Variants in ZNF516 observed in about 807,000 individuals in gnomAD.
The protein encoded by ZNF516 is zinc finger protein 516.
ZNF516 carries 19 observed loss-of-function variants against 79.7 expected under a neutral mutation model. That is an observed-to-expected ratio of 0.24 (90% CI 0.17 to 0.35). The LOEUF (loss-of-function observed/expected upper bound fraction) is 0.35. Among genes scored for constraint, ZNF516 ranks in the 10% least tolerant of loss-of-function variants. ZNF516 has a pLI of 1.00. For synonymous variants in ZNF516, 877 were observed against 739.5 expected (o/e 1.19, Z -3.02); for missense variants, 1,678 against 1,679.5 (o/e 1.00, Z 0.02).
rs922351426 is a variant in ZNF516, at chr18:76,467,967, G to A, written c.-271-4826C>T. Among the ~76,000 whole-genome samples the A allele has an allele frequency of 1.3e-5, 2 of 152,138 alleles. No individual in the cohort carries two copies. The highest frequency in any genetic ancestry group is 6.5e-5 in the Admixed American group (1 of 15,280). ...GCCTTGCAAGCAAAGAGTAGCTGCG[G>A]CGCATTCCAGACCTCCCTACGGACA... On this transcript the variant is annotated intron_variant, in intron 1 of 6. Coordinates refer to ENST00000443185, the MANE Select transcript of ZNF516 (RefSeq NM_014643.4). This position sits in a 1 kb window ranked among gnomAD's most constrained non-coding sequence, Gnocchi z 4.2.
chr18:76,425,031 C>A (rs2075574659), intron 3 of ZNF516, among the ~76,000 whole-genome samples: 1 of 151,760 alleles, frequency 6.6e-6, no homozygotes, highest in South Asian at 2.1e-4. Flanking sequence ...AAAGGTTCCC[C>A]CGAAACACAC....
At chr18:76,486,235 T>C (rs1451131891) in intron 1 of ZNF516, among the ~76,000 whole-genome samples, 2 of 152,234 alleles carry the variant, frequency 1.3e-5, no homozygotes, top group East Asian at 1.9e-4. Context: ...CAATGCATCA[T>C]TTACTGTACT....
chr18:76,477,268 A>G (rs530783853), intron 1 of ZNF516, among the ~76,000 whole-genome samples: 1 of 152,338 alleles, frequency 6.6e-6, no homozygotes. Context: ...GTTTGTTTCA[A>G]TATCATCTGA....
chr18:76,418,264 A>C (rs1190611580), intron 3 of ZNF516, among the ~76,000 whole-genome samples: 1 of 152,118 alleles, frequency 6.6e-6, no homozygotes, highest in African/African-American at 2.4e-5. Context: ...CATACACCGT[A>C]ACACACTAAC....
intron 3 of ZNF516, among the ~76,000 whole-genome samples, chr18:76,384,518 C>T (rs1403728183): frequency 2.3e-5 from 3 of 130,846 alleles, no homozygotes; most frequent in African/African-American, 5.9e-5. Context: ...ACAGTTCTCA[C>T]GCCCCCTCCA....
chr18:76,477,131 G>C (rs1914218489), intron 1 of ZNF516, among the ~76,000 whole-genome samples: 2 of 152,194 alleles, frequency 1.3e-5, no homozygotes, highest in African/African-American at 4.8e-5. Flanking sequence ...TTTTATCCCA[G>C]CTGAGTCATA....
At chr18:76,416,971 C>T (rs1470410744) in intron 3 of ZNF516, among the ~76,000 whole-genome samples, 1 of 152,088 alleles carries the variant, frequency 6.6e-6, no homozygotes, top group Non-Finnish European at 1.5e-5. Flanking sequence ...TGTTCTCATG[C>T]CTGGGAAACA....
chr18:76,382,965 G>T (rs1223422780), intron 3 of ZNF516, among the ~76,000 whole-genome samples: 1 of 151,712 alleles, frequency 6.6e-6, no homozygotes, highest in Non-Finnish European at 1.5e-5. Context: ...GAACCCTGGA[G>T]GGGGAGGCTG....
intron 3 of ZNF516, among the ~76,000 whole-genome samples, chr18:76,412,516 C>T (rs1284322518): frequency 6.6e-6 from 1 of 152,180 alleles, no homozygotes; most frequent in Non-Finnish European, 1.5e-5. Flanking sequence ...TACGAACCCA[C>T]CTGGCGATCA....
chr18:76,401,265 T>G (rs75975344), intron 3 of ZNF516, among the ~76,000 whole-genome samples: 76 of 95,954 alleles, frequency 7.9e-4, no homozygotes, highest in Middle Eastern at 5.6e-3. Context: ...TTTTTTTTTT[T>G]TGTGAACCAA....
At chr18:76,370,355 T>C (rs541564314) in intron 6 of ZNF516, among the ~76,000 whole-genome samples, 173 bp downstream of exon 6, 1 of 152,264 alleles carries the variant, frequency 6.6e-6, no homozygotes, top group South Asian at 2.1e-4. Flanking sequence ...TCTGTGCGGG[T>C]ACTGCCCACA....
chr18:76,469,295 A>G (rs1913684871), intron 1 of ZNF516, among the ~76,000 whole-genome samples: 1 of 152,194 alleles, frequency 6.6e-6, no homozygotes, highest in Non-Finnish European at 1.5e-5. Context: ...TTGCAGTCCT[A>G]TTTTTTATAT....
chr18:76,387,041 G>T (rs373392558), intron 3 of ZNF516: 1 of 152,240 alleles, frequency 6.6e-6, no homozygotes, highest in African/African-American at 2.4e-5. Context: ...AGAACCCATC[G>T]CTGGAGTCCC....
In ZNF516 at chr18:76,442,062, C is replaced by T; in HGVS notation, c.993G>A (p.Leu331=). The T allele has an allele frequency of 6.2e-7, 1 of 1,614,044 alleles. No homozygotes were observed. The highest frequency in any genetic ancestry group is 8.5e-7 in the Non-Finnish European group (1 of 1,179,906). ...ACTTGGCGCAGACCTCGTAGAGGCT[C>T]AGGCCGGCGACGATCACCTCCTCCT... ...VVQEEVIVAG[L]SLYEVCAKCG... The change falls in exon 3 of 7, where the codon CTG becomes CTA. Residue 331 remains leucine (L), a synonymous_variant. Transcript: ENST00000443185.
chr18:76,473,761 A>C (rs1599145785), intron 1 of ZNF516, among the ~76,000 whole-genome samples: 1 of 151,800 alleles, frequency 6.6e-6, no homozygotes, highest in South Asian at 2.1e-4. Flanking sequence ...AGATTGCACC[A>C]CTGCACTCCA....
intron 3 of ZNF516, among the ~76,000 whole-genome samples, chr18:76,431,589 G>C (rs2075661873): frequency 6.6e-6 from 1 of 152,184 alleles, no homozygotes; most frequent in African/African-American, 2.4e-5. Flanking sequence ...TGGGCCATGG[G>C]GATGGGTCCC....
rs141003987 is a variant in ZNF516, at chr18:76,362,917, A to C, written c.3433-360T>G. 1.6e-4 allele frequency among the ~76,000 whole-genome samples: 25 copies of C among 152,340 alleles called. 1 individual carries two copies. The East Asian group carries it at 3.9e-3, about 24-fold the overall frequency. On this transcript the variant is annotated intron_variant, in intron 6 of 6. Transcript: ENST00000443185. ...AAGGTTACAAGTTGGCAAGATGAGG[A>C]GGCGGCCAGATTGTAAAACTGTATA...
chr18:76,481,905 C>T (rs1914544511), intron 1 of ZNF516, among the ~76,000 whole-genome samples: 2 of 152,152 alleles, frequency 1.3e-5, no homozygotes, highest in African/African-American at 4.8e-5. Flanking sequence ...CAAAAAGTAG[C>T]TCTCAATACC....
At chr18:76,447,349 C>G (rs1370530274) in intron 2 of ZNF516, among the ~76,000 whole-genome samples, 1 of 152,238 alleles carries the variant, frequency 6.6e-6, no homozygotes, top group African/African-American at 2.4e-5. Context: ...ATGCCTCCTC[C>G]ACCTTTATCC....
Sources: allele counts gnomAD v4.1 joint callset (sites outside exome capture counted in the v4.1 genomes callset), GRCh38; gene constraint gnomAD v4.1.1; non-coding constraint Gnocchi (gnomAD v3.1); transcripts MANE v1.5; gene names NCBI Gene and HGNC (gene_info 2026-07-23, HGNC 2026-07-21).